DCDC2C: variants seen among roughly 807,000 people sequenced by gnomAD.
DCDC2C encodes the protein doublecortin domain-containing protein 2C.
A neutral mutation model predicts 45.0 loss-of-function variants in DCDC2C; 44 were observed. That is an observed-to-expected ratio of 0.98 (90% CI 0.77 to 1.26). The LOEUF (loss-of-function observed/expected upper bound fraction) is 1.26, where lower values mean the gene tolerates loss of function less well. DCDC2C is among the 50% of genes most tolerant of loss of function. DCDC2C has a pLI of 0.00. For synonymous variants in DCDC2C, 187 were observed against 178.8 expected (o/e 1.05, Z -0.37); for missense variants, 447 against 468.9 (o/e 0.95, Z 0.43).
chr2:3,731,995 G>T (rs1668882571), intron 3 of DCDC2C, among the ~76,000 whole-genome samples: 1 of 152,114 alleles, frequency 6.6e-6, no homozygotes, highest in Non-Finnish European at 1.5e-5. Flanking sequence ...GTAGGGGGCG[G>T]TGAGTGCAAA....
At chr2:3,735,286 T>C (rs551947387) in intron 3 of DCDC2C, among the ~76,000 whole-genome samples, 14 of 151,984 alleles carry the variant, frequency 9.2e-5, no homozygotes, top group Non-Finnish European at 1.3e-4. Flanking sequence ...TATTATACTT[T>C]AAGTTTTAGG....
At chr2:3,811,948 T>G (rs762499197) in intron 10 of DCDC2C, among the ~76,000 whole-genome samples, 3 of 152,226 alleles carry the variant, frequency 2.0e-5, no homozygotes, top group Non-Finnish European at 4.4e-5. Context: ...TTGTGGTGGA[T>G]AAGCTTTTTA....
At chr2:3,737,271 C>T (rs1370656799) in intron 3 of DCDC2C, among the ~76,000 whole-genome samples, 1 of 152,166 alleles carries the variant, frequency 6.6e-6, no homozygotes, top group African/African-American at 2.4e-5. Flanking sequence ...ATGTGGAGAA[C>T]TTTTCAGTTC....
intron 6 of DCDC2C, among the ~76,000 whole-genome samples, chr2:3,759,965 T>C (rs1185963230): frequency 6.6e-6 from 1 of 152,250 alleles, no homozygotes; most frequent in East Asian, 1.9e-4. Context: ...AGAGCAGGCA[T>C]CTGGCCTCTG....
At chr2:3,724,657 G>A (rs570734635) in intron 2 of DCDC2C, among the ~76,000 whole-genome samples, 8 of 152,232 alleles carry the variant, frequency 5.3e-5, no homozygotes, top group South Asian at 4.2e-4. Flanking sequence ...GGTTTGTCTC[G>A]TGGTTTTGTG....
chr2:3,767,409 A>G (rs1318590407), intron 6 of DCDC2C, among the ~76,000 whole-genome samples: 1 of 152,206 alleles, frequency 6.6e-6, no homozygotes, highest in Non-Finnish European at 1.5e-5. Context: ...AGTGTCTCCA[A>G]AAAACCAGAG....
chr2:3,737,514 C>T (rs1280888402), intron 3 of DCDC2C, among the ~76,000 whole-genome samples: 1 of 152,156 alleles, frequency 6.6e-6, no homozygotes, highest in Non-Finnish European at 1.5e-5. Context: ...AGAGAAACAG[C>T]ACATTTCTGA....
At chr2:3,827,536 T>C (rs912373875) in intron 10 of DCDC2C, among the ~76,000 whole-genome samples, 2 of 152,186 alleles carry the variant, frequency 1.3e-5, no homozygotes, top group Non-Finnish European at 2.9e-5. Flanking sequence ...GGTTTCAGCT[T>C]CAAAATTTCA....
intron 4 of DCDC2C, among the ~76,000 whole-genome samples, chr2:3,742,338 C>T (rs115804605): frequency 0.045 from 6,863 of 152,190 alleles, 278 homozygotes; most frequent in East Asian, 0.1. Context: ...TTGAGTGGGC[C>T]GACCGTTCAA....
chr2:3,811,093 ATAG>A (rs1246209454), intron 10 of DCDC2C, among the ~76,000 whole-genome samples: 1 of 152,194 alleles, frequency 6.6e-6, no homozygotes, highest in Non-Finnish European at 1.5e-5. Flanking sequence ...GAAACTTAAA[ATAG>A]TTTTTTCTAA....
chr2:3,781,453 T>A (rs961570332), intron 9 of DCDC2C, among the ~76,000 whole-genome samples: 1 of 152,242 alleles, frequency 6.6e-6, no homozygotes, highest in African/African-American at 2.4e-5. Flanking sequence ...TTAATAAATA[T>A]CTGCAGATTT....
At chr2:3,737,680 G>A (rs908193879) in intron 3 of DCDC2C, among the ~76,000 whole-genome samples, 1 of 152,022 alleles carries the variant, frequency 6.6e-6, no homozygotes, top group African/African-American at 2.4e-5. Context: ...TCTGTGTCAC[G>A]GGGGAGCAGG....
chr2:3,717,533 T>C (rs1272483430), intron 2 of DCDC2C, among the ~76,000 whole-genome samples: 3 of 151,490 alleles, frequency 2.0e-5, no homozygotes, highest in Admixed American at 2.0e-4. Context: ...CTCCTAGCCT[T>C]GTTGAGGCTG....
intron 10 of DCDC2C, among the ~76,000 whole-genome samples, chr2:3,842,342 G>C (rs189731135): frequency 1.3e-5 from 2 of 152,146 alleles, no homozygotes; most frequent in African/African-American, 2.4e-5. Context: ...TGGGAGGGAG[G>C]CTGCAGCAAT....
chr2:3,768,420 T>G (rs780541701), intron 7 of DCDC2C, among the ~76,000 whole-genome samples: 2 of 152,216 alleles, frequency 1.3e-5, no homozygotes, highest in Non-Finnish European at 2.9e-5. Flanking sequence ...ATGTCCCGTC[T>G]CATGTATGGA....
intron 10 of DCDC2C, among the ~76,000 whole-genome samples, chr2:3,839,314 CA>C: frequency 6.6e-6 from 1 of 152,236 alleles, no homozygotes; most frequent in Non-Finnish European, 1.5e-5. Context: ...TACCTTCAAC[CA>C]AAACATTGGA....
chr2:3,780,425 G>T (rs1169499271), intron 9 of DCDC2C, among the ~76,000 whole-genome samples: 1 of 152,170 alleles, frequency 6.6e-6, no homozygotes, highest in Non-Finnish European at 1.5e-5. Context: ...CTGCTGGGGG[G>T]ATCCATGCGT....
intron 2 of DCDC2C, among the ~76,000 whole-genome samples, chr2:3,710,635 C>T (rs12711968): frequency 0.36 from 54,119 of 151,828 alleles, 10,467 homozygotes; most frequent in Non-Finnish European, 0.45. Context: ...TCCCTCCGTC[C>T]GCCATCTATT....
chr2:3,838,786 G>A (rs992496388), intron 10 of DCDC2C, among the ~76,000 whole-genome samples: 1 of 152,174 alleles, frequency 6.6e-6, no homozygotes, highest in Non-Finnish European at 1.5e-5. Context: ...TTAGAAGTCT[G>A]AAAAACATGT....
Sources: allele counts gnomAD v4.1 joint callset (sites outside exome capture counted in the v4.1 genomes callset), GRCh38; gene constraint gnomAD v4.1.1; transcripts MANE v1.5; gene names NCBI Gene and HGNC (gene_info 2026-07-23, HGNC 2026-07-21).